MTMR14: variants seen among roughly 807,000 people sequenced by gnomAD.
MTMR14 encodes phosphatidylinositol-3,5-bisphosphate 3-phosphatase MTMR14.
In MTMR14, 48 loss-of-function variants were observed where a neutral mutation model predicts 86.3. The ratio of observed to expected loss-of-function variants is 0.56; its 90% CI spans 0.44 to 0.71. The LOEUF is 0.71. Among genes scored for constraint, MTMR14 ranks in the 30% least tolerant of loss-of-function variants. The probability of loss-of-function intolerance (pLI) is 0.00; values close to 1 mark genes in which losing one functional copy is unlikely to be tolerated. For missense variants in MTMR14, 780 were observed against 834.6 expected, an observed-to-expected ratio of 0.93 and a Z score of 0.81; for synonymous variants, 366 against 326.1, an observed-to-expected ratio of 1.12 and a Z score of -1.32.
At chr3:9,694,886 C>T (rs571411620) in intron 17 of MTMR14, among the ~76,000 whole-genome samples, 10 of 152,176 alleles carry the variant, frequency 6.6e-5, no homozygotes, top group African/African-American at 2.2e-4. Context: ...GGCCCTGAGC[C>T]GCATCCAACT....
At chr3:9,698,802 G>T (rs1297606686) in intron 18 of MTMR14, among the ~76,000 whole-genome samples, 1 of 152,064 alleles carries the variant, frequency 6.6e-6, no homozygotes, top group East Asian at 1.9e-4. Context: ...AGGTCACTGT[G>T]CCTGGCACAG....
At chr3:9,679,587 T>C (rs1470953301) in intron 9 of MTMR14, among the ~76,000 whole-genome samples, 3 of 152,180 alleles carry the variant, frequency 2.0e-5, no homozygotes, top group Non-Finnish European at 4.4e-5. Flanking sequence ...GGTACTCTGC[T>C]TAGTAGATGC....
At chr3:9,666,965 C>T (rs566909320) in intron 3 of MTMR14, among the ~76,000 whole-genome samples, 3 of 152,304 alleles carry the variant, frequency 2.0e-5, no homozygotes, top group Non-Finnish European at 2.9e-5. Context: ...AGGCTGGTTC[C>T]CCACTTGGGG....
intron 17 of MTMR14, among the ~76,000 whole-genome samples, chr3:9,695,469 T>G (rs568558531): frequency 6.6e-6 from 1 of 152,352 alleles, no homozygotes; most frequent in South Asian, 2.1e-4. Context: ...CTGCTGTCTG[T>G]GCTGCCTAAT....
chr3:9,684,157 G>T (rs1392713275), intron 10 of MTMR14, among the ~76,000 whole-genome samples: 6 of 152,188 alleles, frequency 3.9e-5, no homozygotes, highest in Non-Finnish European at 7.3e-5. Flanking sequence ...GGGGAAGGTA[G>T]TACTAGCATG....
intron 17 of MTMR14, among the ~76,000 whole-genome samples, chr3:9,692,611 G>A (rs377511872): frequency 6.6e-6 from 1 of 152,262 alleles, no homozygotes; most frequent in African/African-American, 2.4e-5. Context: ...CTGGAGTCAT[G>A]CATCCTTTAG....
At chr3:9,671,721 A>T (rs1339884380) in intron 6 of MTMR14, among the ~76,000 whole-genome samples, 1 of 152,236 alleles carries the variant, frequency 6.6e-6, no homozygotes, top group Non-Finnish European at 1.5e-5. Context: ...GACTGCTGTC[A>T]TATAAAAATA....
intron 5 of MTMR14, 88 bp from the exon 6 acceptor site, chr3:9,670,960 C>A: frequency 6.5e-7 from 1 of 1,545,150 alleles, no homozygotes; most frequent in Non-Finnish European, 8.9e-7. Flanking sequence ...AGAAGAGTGA[C>A]ATCCATACTT....
intron 3 of MTMR14, among the ~76,000 whole-genome samples, chr3:9,664,348 G>A (rs1299171724): frequency 1.3e-5 from 2 of 151,410 alleles, no homozygotes; most frequent in African/African-American, 2.4e-5. Flanking sequence ...TGTGGCTCAC[G>A]GTAGGCACTG....
intron 13 of MTMR14, among the ~76,000 whole-genome samples, chr3:9,686,493 C>T (rs995495886): frequency 6.6e-6 from 1 of 152,180 alleles, no homozygotes; most frequent in Admixed American, 6.5e-5. Flanking sequence ...GTTACCCCCC[C>T]CAGACAATCC....
rs377585927 is a variant in MTMR14 at position 9,675,327 on chromosome 3, A to G, written c.752-1990A>G. Among the ~76,000 whole-genome samples, 49 of 152,336 alleles carry G rather than the reference A, an allele frequency of 3.2e-4. 1 individual carries two copies. In the South Asian group the frequency reaches 9.1e-3, roughly 28 times the overall value. On this transcript the variant is annotated intron_variant, in intron 7 of 18. Transcript: ENST00000296003. ...GACTTGTGTTCTTGTGGGTTTTTTT[A>G]CATAACTTCTATTACTTTATAATAA...
At position 9,702,025 on chromosome 3, in the gene MTMR14, A is replaced by C; in HGVS notation, c.*52A>C. ...CTCCTCTCTCAGCTGAGCCCTTAGC[A>C]GAGAATCAAAGCCATGCCTGGCCGA... On this transcript the variant is annotated 3_prime_UTR_variant, in exon 19 of 19. Coordinates refer to ENST00000296003, the MANE Select transcript of MTMR14 (RefSeq NM_001077525.3). The C allele has an allele frequency of 6.2e-7, 1 of 1,608,222 alleles. No homozygotes were observed. The highest frequency in any genetic ancestry group is 8.5e-7 in the Non-Finnish European group (1 of 1,176,078).
At chr3:9,666,382 T>TCTGG (rs2048257849) in intron 3 of MTMR14, among the ~76,000 whole-genome samples, 1 of 149,622 alleles carries the variant, frequency 6.7e-6, no homozygotes, top group Admixed American at 6.6e-5. Context: ...ATCTGCCCAC[T>TCTGG]CTGGCCTCCC....
At chr3:9,670,922 T>TCCACCTAGCACACGC in intron 5 of MTMR14, 126 bp from the exon 6 acceptor site, 1 of 1,253,120 alleles carries the variant, frequency 8.0e-7, no homozygotes, top group South Asian at 1.2e-5. Flanking sequence ...CACCCATGCG[T>TCCACCTAGCACACGC]CCACCTAGCA....
intron 16 of MTMR14, among the ~76,000 whole-genome samples, 175 bp from the exon 17 acceptor site, chr3:9,689,789 A>G (rs137886248): frequency 1.6e-3 from 244 of 152,386 alleles, no homozygotes; most frequent in Non-Finnish European, 2.8e-3. Flanking sequence ...CAGGCCCTCC[A>G]TAAAGACCCA....
In MTMR14 at chr3:9,696,373, G is replaced by A. The variant is rs745469853; in HGVS notation, c.1614-1338G>A. 6.2e-4 allele frequency among the ~76,000 whole-genome samples: 94 copies of A among 152,222 alleles called. 1 individual carries two copies. Among genetic ancestry groups the A allele is most frequent in the Non-Finnish European group, 1.1e-3 (77 of 68,006 alleles). The stretch of plus-strand genomic sequence containing the variant: ...AAAAAAATTAGCCGGGCATGGTGGC[G>A]GGCGTCTGTAATCCCAGCTACTTGG... On this transcript the variant is annotated intron_variant, in intron 17 of 18. Coordinates refer to ENST00000296003, the MANE Select transcript of MTMR14 (RefSeq NM_001077525.3).
At position 9,677,675 on chromosome 3, in the gene MTMR14, G is replaced by A. The variant is rs983570193; in HGVS notation, c.822+288G>A. 6.6e-6 allele frequency among the ~76,000 whole-genome samples: 1 copy of A among 152,118 alleles called. No individual in the cohort carries two copies. The highest frequency in any genetic ancestry group is 2.1e-4 in the South Asian group (1 of 4,822). On this transcript the variant is annotated intron_variant, in intron 8 of 18. Coordinates refer to ENST00000296003, the MANE Select transcript of MTMR14 (RefSeq NM_001077525.3). This position sits in a 1 kb window ranked among gnomAD's most constrained non-coding sequence, Gnocchi z 4.2. ...TTCTGTACTCTCTGTGTGAAAGCTGGGGGCAGCATTCTTTGCCTTCCCCAG... is the reference window on the plus strand; with the variant it reads ...TTCTGTACTCTCTGTGTGAAAGCTGAGGGCAGCATTCTTTGCCTTCCCCAG...
chr3:9,669,929 C>T (rs2048479079), intron 5 of MTMR14, among the ~76,000 whole-genome samples: 1 of 152,164 alleles, frequency 6.6e-6, no homozygotes, highest in Admixed American at 6.5e-5. Flanking sequence ...GAGGTCTAGC[C>T]TGGAAGGCAC....
At chr3:9,660,452 G>C (rs2047866092) in intron 2 of MTMR14, among the ~76,000 whole-genome samples, 1 of 151,918 alleles carries the variant, frequency 6.6e-6, no homozygotes, top group Non-Finnish European at 1.5e-5. Flanking sequence ...GTAGAGATGG[G>C]GTTTCACCAT....
Sources: gnomAD v4.1 joint callset for allele counts (sites outside exome capture counted in the v4.1 genomes callset) on GRCh38, gnomAD v4.1.1 for gene constraint, Gnocchi (gnomAD v3.1) non-coding constraint, MANE v1.5 for transcripts, NCBI Gene and HGNC (gene_info 2026-07-23, HGNC 2026-07-21) for gene names.